The following RGS5 variants were observed in gnomAD, a reference collection of about 807,000 sequenced individuals.
RGS5 encodes regulator of G protein signaling 5.
In RGS5, 20 loss-of-function variants were observed where a neutral mutation model predicts 18.9. The ratio of observed to expected loss-of-function variants is 1.06; its 90% CI spans 0.74 to 1.54. RGS5 has a LOEUF of 1.54. Ranked by LOEUF, RGS5 falls within the 40% of genes most tolerant of loss-of-function variation. The pLI is 0.00. For synonymous variants in RGS5, 57 were observed against 76.2 expected (o/e 0.75, Z 1.31); for missense variants, 201 against 211.8 (o/e 0.95, Z 0.32).
At chr1:163,166,153 C>T (rs905099543) in intron 2 of RGS5, among the ~76,000 whole-genome samples, 3 of 151,986 alleles carry the variant, frequency 2.0e-5, no homozygotes, top group Non-Finnish European at 2.9e-5. Context: ...CAGCATGGAA[C>T]ATGGGTACCT....
chr1:163,299,310 C>A (rs1432554271), intron 2 of RGS5, among the ~76,000 whole-genome samples: 2 of 152,116 alleles, frequency 1.3e-5, no homozygotes, highest in Non-Finnish European at 2.9e-5. Context: ...TGAGGAATGA[C>A]AATCTAAGTG....
upstream of RGS5, among the ~76,000 whole-genome samples, chr1:163,205,456 C>T (rs1404719263): frequency 6.6e-6 from 1 of 151,694 alleles, no homozygotes; most frequent in Non-Finnish European, 1.5e-5. Flanking sequence ...CTGAGAATCC[C>T]TCAGAAATGA....
rs1656963343 is a variant in RGS5 at position 163,142,531 on chromosome 1, AT to A, written c.*4810del. 1.3e-5 allele frequency: 2 copies of A among 149,074 alleles called. No individual in the cohort carries two copies. Among genetic ancestry groups the A allele is most frequent in the Non-Finnish European group, 2.9e-5 (2 of 67,896 alleles). 9.2% of individuals were successfully genotyped at this position (149,074 alleles called of 1,614,324 possible). A position where few individuals can be genotyped will look rare whatever the true frequency, so the allele number is the denominator to read the frequency against. ...ATTCTCCTGGCTGTGTCTTCCGAAGATGAGTTGCTAGTTGCAACATTAAAAA... is the reference window on the plus strand; with the variant it reads ...ATTCTCCTGGCTGTGTCTTCCGAAGAGAGTTGCTAGTTGCAACATTAAAAA... On this transcript the variant is annotated 3_prime_UTR_variant, in exon 5 of 5. Transcript: ENST00000313961.
At chr1:163,166,684 C>T (rs1658068883) in intron 2 of RGS5, among the ~76,000 whole-genome samples, 1 of 152,168 alleles carries the variant, frequency 6.6e-6, no homozygotes, top group Admixed American at 6.5e-5. Flanking sequence ...ACAATTTAGG[C>T]TTCTGGAGGA....
At chr1:163,315,756 T>C (rs1025074095) in intron 1 of RGS5, among the ~76,000 whole-genome samples, 2 of 152,176 alleles carry the variant, frequency 1.3e-5, no homozygotes, top group Non-Finnish European at 2.9e-5. Flanking sequence ...AGGCTTGTAA[T>C]GATGAAAGGG....
chr1:163,287,428 G>T (rs1210963567), intron 2 of RGS5, among the ~76,000 whole-genome samples: 1 of 152,128 alleles, frequency 6.6e-6, no homozygotes, highest in Admixed American at 6.6e-5. Context: ...GTTCATTAAA[G>T]AATCACCATG....
upstream of RGS5, among the ~76,000 whole-genome samples, chr1:163,206,472 A>T (rs1433308738): frequency 6.6e-6 from 1 of 152,064 alleles, no homozygotes; most frequent in Non-Finnish European, 1.5e-5. Flanking sequence ...ATGGTATTCC[A>T]GGTCATTTTT....
At chr1:163,284,540 G>C (rs766363182) in intron 2 of RGS5, among the ~76,000 whole-genome samples, 23 of 152,018 alleles carry the variant, frequency 1.5e-4, no homozygotes, top group Non-Finnish European at 2.8e-4. Flanking sequence ...AAATTCTTAA[G>C]TCTTGGTTTC....
At chr1:163,229,447 A>G (rs1279117028) in intron 2 of RGS5, among the ~76,000 whole-genome samples, 2 of 152,190 alleles carry the variant, frequency 1.3e-5, no homozygotes, top group Non-Finnish European at 2.9e-5. Context: ...ATTCAAGATG[A>G]GATGTGGGTG....
chr1:163,294,810 G>GA (rs778733936), intron 2 of RGS5, among the ~76,000 whole-genome samples: 29 of 152,068 alleles, frequency 1.9e-4, no homozygotes, highest in African/African-American at 6.8e-4. Flanking sequence ...CACACTTTCA[G>GA]AAAAAAACGG....
chr1:163,310,168 T>C (rs1281225395), intron 1 of RGS5, among the ~76,000 whole-genome samples: 1 of 152,152 alleles, frequency 6.6e-6, no homozygotes, highest in Non-Finnish European at 1.5e-5. Context: ...GCTGTAGAAT[T>C]TTCAGAATGG....
chr1:163,174,809 T>C (rs1477453992), intron 1 of RGS5, among the ~76,000 whole-genome samples: 1 of 152,066 alleles, frequency 6.6e-6, no homozygotes, highest in African/African-American at 2.4e-5. Context: ...CTTTCGGCAA[T>C]CACAAACAGG....
At chr1:163,245,577 G>C (rs971891072) in intron 2 of RGS5, among the ~76,000 whole-genome samples, 2 of 152,070 alleles carry the variant, frequency 1.3e-5, no homozygotes, top group Non-Finnish European at 2.9e-5. Context: ...GAAATGCCTG[G>C]CATAGTGATT....
intron 2 of RGS5, among the ~76,000 whole-genome samples, chr1:163,235,652 G>GT (rs2101687402): frequency 6.6e-6 from 1 of 152,306 alleles, no homozygotes; most frequent in Non-Finnish European, 1.5e-5. Context: ...AGCAATGGCT[G>GT]TGTTGGCAGC....
chr1:163,156,716 TA>T (rs1557881595), intron 3 of RGS5, among the ~76,000 whole-genome samples: 2 of 152,142 alleles, frequency 1.3e-5, no homozygotes. Context: ...ACACTAACTT[TA>T]AAAAAATTAA....
intron 2 of RGS5, among the ~76,000 whole-genome samples, chr1:163,289,860 C>T (rs1032122577): frequency 6.6e-5 from 10 of 152,182 alleles, no homozygotes; most frequent in South Asian, 6.2e-4. Context: ...AATTTCTTTT[C>T]TAACAAAAAG....
At chr1:163,216,181 A>T (rs1354278165) in intron 1 of RGS5, among the ~76,000 whole-genome samples, 2 of 152,176 alleles carry the variant, frequency 1.3e-5, no homozygotes, top group Non-Finnish European at 2.9e-5. Flanking sequence ...GGAGTCGGGA[A>T]GGAACCCATG....
At chr1:163,283,340 A>G (rs1412425558) in intron 2 of RGS5, among the ~76,000 whole-genome samples, 4 of 152,210 alleles carry the variant, frequency 2.6e-5, no homozygotes, top group African/African-American at 9.6e-5. Context: ...GGTGATAAAT[A>G]TACTAATTAT....
chr1:163,207,170 C>T (rs1332421308), upstream of RGS5, among the ~76,000 whole-genome samples: 2 of 152,142 alleles, frequency 1.3e-5, no homozygotes, highest in Non-Finnish European at 2.9e-5. Flanking sequence ...TAAAAAGCAT[C>T]GGTACTAACA....
Sources: gnomAD v4.1 joint callset for allele counts (sites outside exome capture counted in the v4.1 genomes callset) on GRCh38, gnomAD v4.1.1 for gene constraint, MANE v1.5 for transcripts, NCBI Gene and HGNC (gene_info 2026-07-23, HGNC 2026-07-21) for gene names.